Variants in BCAS3 observed in about 807,000 individuals in gnomAD.
The protein encoded by BCAS3 is BCAS3 microtubule associated cell migration factor.
In BCAS3, 53 loss-of-function variants were observed where a neutral mutation model predicts 116.1. The ratio of observed to expected loss-of-function variants is 0.46; its 90% CI spans 0.37 to 0.57. The LOEUF (loss-of-function observed/expected upper bound fraction) is 0.57, where lower values mean the gene tolerates loss of function less well. Among genes scored for constraint, BCAS3 ranks in the 20% least tolerant of loss-of-function variants. The pLI, the probability that BCAS3 is intolerant of heterozygous loss-of-function variation, is 0.00. For missense variants in BCAS3, 917 were observed against 1,165.4 expected (o/e 0.79, Z 3.10); for synonymous variants, 391 against 408.2 (o/e 0.96, Z 0.51).
intron 9 of BCAS3, among the ~76,000 whole-genome samples, chr17:60,877,282 T>A (rs2055702976): frequency 6.6e-6 from 1 of 152,038 alleles, no homozygotes; most frequent in African/African-American, 2.4e-5. Flanking sequence ...TTGGAAAGGA[T>A]GAGTTTGTTA....
rs540880740 is a variant in BCAS3, at chr17:61,316,337, G to T, written c.2426-51990G>T. 7.2e-5 allele frequency among the ~76,000 whole-genome samples: 11 copies of T among 152,212 alleles called. No homozygotes were observed. Among genetic ancestry groups the T allele is most frequent in the East Asian group, 1.9e-4 (1 of 5,180 alleles). On this transcript the variant is annotated intron_variant, in intron 22 of 23. Coordinates refer to ENST00000407086, the MANE Select transcript of BCAS3 (RefSeq NM_017679.5). This position sits in a 1 kb window ranked among gnomAD's most constrained non-coding sequence, Gnocchi z 5.8. ...AATAATATTAATAGTAATATAGCAGGTACTTAGTAAATGTGTGCTGAATGT... is the reference window on the plus strand; with the variant it reads ...AATAATATTAATAGTAATATAGCAGTTACTTAGTAAATGTGTGCTGAATGT...
chr17:61,038,645 T>TTTTTG (rs2067237783), intron 18 of BCAS3, among the ~76,000 whole-genome samples: 1 of 146,458 alleles, frequency 6.8e-6, no homozygotes, highest in African/African-American at 2.8e-5. Flanking sequence ...TTCATTCCTT[T>TTTTTG]TTTTTGTTTT....
intron 22 of BCAS3, among the ~76,000 whole-genome samples, chr17:61,312,188 T>C (rs1326696123): frequency 6.6e-6 from 1 of 152,016 alleles, no homozygotes; most frequent in Non-Finnish European, 1.5e-5. Context: ...TGGATCCAAC[T>C]CTCCATAAGC....
At chr17:60,735,614 G>A (rs2040877062) in intron 5 of BCAS3, among the ~76,000 whole-genome samples, 1 of 151,844 alleles carries the variant, frequency 6.6e-6, no homozygotes, top group Non-Finnish European at 1.5e-5. Context: ...CCACCATGCA[G>A]CACTAATTTT....
intron 14 of BCAS3, among the ~76,000 whole-genome samples, chr17:60,954,095 C>T (rs532182688): frequency 1.1e-4 from 17 of 152,216 alleles, no homozygotes; most frequent in Admixed American, 2.6e-4. Context: ...GCCAGTTACC[C>T]GAGAACCATT....
intron 5 of BCAS3, among the ~76,000 whole-genome samples, chr17:60,723,929 C>T (rs1297820976): frequency 1.3e-5 from 2 of 150,676 alleles, no homozygotes; most frequent in Non-Finnish European, 3.0e-5. Context: ...ACCATATTGG[C>T]CAGGCTGGTC....
At chr17:60,897,841 G>A (rs1424278092) in intron 10 of BCAS3, among the ~76,000 whole-genome samples, 1 of 151,956 alleles carries the variant, frequency 6.6e-6, no homozygotes, top group Non-Finnish European at 1.5e-5. Flanking sequence ...TAAGCTTCCT[G>A]AGTAGCTGGG....
intron 15 of BCAS3, among the ~76,000 whole-genome samples, chr17:61,009,430 A>C (rs989083684): frequency 2.0e-5 from 3 of 151,992 alleles, no homozygotes; most frequent in Non-Finnish European, 4.4e-5. Flanking sequence ...GTCCTCCATT[A>C]ACAATAACTT....
In BCAS3 at chr17:61,251,519, G is replaced by A. The variant is rs926826428; in HGVS notation, c.2426-116808G>A. Among the ~76,000 whole-genome samples, 5 of 151,598 alleles carry A rather than the reference G, an allele frequency of 3.3e-5. No homozygotes were observed. Among genetic ancestry groups the A allele is most frequent in the African/African-American group, 4.8e-5 (2 of 41,240 alleles). Reference sequence around the variant, plus strand: ...CGGGATGCAGAGGTTGCAGTGAGCCGAGATTGCGCCATTCCACTCCAGCCT... The same window carrying A: ...CGGGATGCAGAGGTTGCAGTGAGCCAAGATTGCGCCATTCCACTCCAGCCT... On this transcript the variant is annotated intron_variant, in intron 22 of 23. Transcript: ENST00000407086. This position sits in a 1 kb window ranked among gnomAD's most constrained non-coding sequence, Gnocchi z 4.7.
chr17:61,262,939 G>A (rs931458804), intron 22 of BCAS3, among the ~76,000 whole-genome samples: 23 of 152,010 alleles, frequency 1.5e-4, no homozygotes, highest in Admixed American at 5.9e-4. Flanking sequence ...TGATCCACCC[G>A]CCTCAGCCTC....
rs200098763 is a variant in BCAS3 at position 60,799,520 on chromosome 17, G to GTTTTTTTTTTTTTT, written c.404-8481_404-8480insTTTTTTTTTTTTTT. Among the ~76,000 whole-genome samples, 90 of 117,638 alleles carry GTTTTTTTTTTTTTT rather than the reference G, an allele frequency of 7.7e-4. 19 individuals carry two copies. The highest frequency in any genetic ancestry group is 4.3e-3 in the Middle Eastern group (1 of 230). 77.2% of individuals were successfully genotyped at this position (117,638 alleles called of 152,430 possible). On this transcript the variant is annotated intron_variant, in intron 6 of 23. Transcript: ENST00000407086. Reference sequence around the variant, plus strand: ...AATATGTAAGTTTTTTGAGATTAGTGTTTGTTTTTTTTTTTTTTTTTTTTT... The same window carrying GTTTTTTTTTTTTTT: ...AATATGTAAGTTTTTTGAGATTAGTGTTTTTTTTTTTTTTTTTGTTTTTTTTTTTTTTTTTTTTT...
rs2074601686 is a variant in BCAS3, at chr17:61,105,684, C to T, written c.2425+21120C>T. ...TCAGGTGATCCACCTGCCTCGGCCTCCCAAAGTGCTGGGATTACAGGTGTG... is the reference window on the plus strand; with the variant it reads ...TCAGGTGATCCACCTGCCTCGGCCTTCCAAAGTGCTGGGATTACAGGTGTG... On this transcript the variant is annotated intron_variant, in intron 22 of 23. Transcript: ENST00000407086. The surrounding 1 kb of genome is among the most constrained non-coding windows in gnomAD (Gnocchi z 4.3). Among the ~76,000 whole-genome samples the T allele has an allele frequency of 2.0e-5, 3 of 152,158 alleles. No homozygotes were observed. The highest frequency in any genetic ancestry group is 2.0e-4 in the Admixed American group (3 of 15,282).
chr17:60,925,279 G>A (rs2059311899), intron 13 of BCAS3, among the ~76,000 whole-genome samples: 1 of 152,084 alleles, frequency 6.6e-6, no homozygotes, highest in South Asian at 2.1e-4. Flanking sequence ...TGGAAGTTAA[G>A]TCTAGAGGTA....
intron 6 of BCAS3, among the ~76,000 whole-genome samples, chr17:60,759,105 C>A (rs2043266393): frequency 6.6e-6 from 1 of 151,990 alleles, no homozygotes; most frequent in South Asian, 2.1e-4. Flanking sequence ...TCCTGAGTAG[C>A]TGGGACTACA....
intron 17 of BCAS3, among the ~76,000 whole-genome samples, chr17:61,035,246 A>G (rs2066925429): frequency 6.6e-6 from 1 of 152,108 alleles, no homozygotes; most frequent in Admixed American, 6.6e-5. Context: ...AGATTTTCTA[A>G]TGCTAAAAAT....
intron 22 of BCAS3, among the ~76,000 whole-genome samples, chr17:61,221,016 C>T (rs1208585803): frequency 6.6e-6 from 1 of 152,204 alleles, no homozygotes; most frequent in Non-Finnish European, 1.5e-5. Context: ...AGAAGAATGG[C>T]ATGAACCCGG....
intron 6 of BCAS3, among the ~76,000 whole-genome samples, chr17:60,751,518 A>AATT (rs1013082524): frequency 1.5e-4 from 12 of 81,518 alleles, no homozygotes; most frequent in African/African-American, 3.2e-4. Flanking sequence ...ATATGTTTTT[A>AATT]ATTTGTTTCT....
At chr17:60,793,762 A>G (rs940613174) in intron 6 of BCAS3, among the ~76,000 whole-genome samples, 3 of 152,132 alleles carry the variant, frequency 2.0e-5, no homozygotes, top group Admixed American at 6.5e-5. Context: ...GGAATATTCC[A>G]TCATATATAT....
At chr17:60,976,632 G>C (rs1464529070) in intron 14 of BCAS3, among the ~76,000 whole-genome samples, 2 of 151,956 alleles carry the variant, frequency 1.3e-5, no homozygotes, top group Non-Finnish European at 2.9e-5. Flanking sequence ...TTAGGGAGTG[G>C]TGATGACTCT....
Sources: gnomAD v4.1 joint callset for allele counts (sites outside exome capture counted in the v4.1 genomes callset) on GRCh38, gnomAD v4.1.1 for gene constraint, Gnocchi (gnomAD v3.1) non-coding constraint, MANE v1.5 for transcripts, NCBI Gene and HGNC (gene_info 2026-07-23, HGNC 2026-07-21) for gene names.